Variants in COL5A2 observed in about 807,000 individuals in gnomAD.
The protein encoded by COL5A2 is collagen type V alpha 2 chain.
In COL5A2, 23 loss-of-function variants were observed where a neutral mutation model predicts 208.2. The observed-to-expected ratio is 0.11, with a 90% CI of 0.08 to 0.16. COL5A2 has a LOEUF of 0.16. COL5A2 is among the 10% of genes least tolerant of loss of function. The pLI, the probability that COL5A2 is intolerant of heterozygous loss-of-function variation, is 1.00. For synonymous variants in COL5A2, 625 were observed against 628.5 expected, an observed-to-expected ratio of 0.99 and a Z score of 0.08; for missense variants, 1,590 against 1,956.4, an observed-to-expected ratio of 0.81 and a Z score of 3.53.
chr2:189,352,911 T>TA, the COL5A2 span, among the ~76,000 whole-genome samples: 1 of 152,226 alleles, frequency 6.6e-6, no homozygotes, highest in Non-Finnish European at 1.5e-5. Flanking sequence ...CTGGGGTTTT[T>TA]ATAGTTTTAG....
the COL5A2 span, among the ~76,000 whole-genome samples, chr2:189,395,242 C>T: frequency 2.6e-5 from 4 of 152,066 alleles, no homozygotes; most frequent in Admixed American, 6.5e-5. Flanking sequence ...TCATCCCTTT[C>T]GTGGTCTTTT....
intron 1 of COL5A2, among the ~76,000 whole-genome samples, chr2:189,157,124 C>CTATATATA (rs112157584): frequency 1.2e-5 from 1 of 85,902 alleles, no homozygotes; most frequent in African/African-American, 3.4e-5. Flanking sequence ...ATCGATATAT[C>CTATATATA]TATCTATATA....
At chr2:189,166,490 T>G (rs925976404) in intron 1 of COL5A2, among the ~76,000 whole-genome samples, 5 of 152,206 alleles carry the variant, frequency 3.3e-5, no homozygotes, top group African/African-American at 9.7e-5. Flanking sequence ...TGGGGCAATT[T>G]TAGGGTTCTA....
At chr2:189,112,282 T>C (rs1156302664) in intron 1 of COL5A2, among the ~76,000 whole-genome samples, 1 of 152,200 alleles carries the variant, frequency 6.6e-6, no homozygotes, top group Non-Finnish European at 1.5e-5. Context: ...CAGCATGAAC[T>C]TTGTACTTCA....
chr2:189,218,532 G>C (rs1398564861), intron 1 of COL5A2, among the ~76,000 whole-genome samples: 1 of 152,120 alleles, frequency 6.6e-6, no homozygotes, highest in Non-Finnish European at 1.5e-5. Flanking sequence ...CTACAATCCA[G>C]AACTGTGAGG....
chr2:189,436,223 G>A, the COL5A2 span, among the ~76,000 whole-genome samples: 3 of 152,218 alleles, frequency 2.0e-5, no homozygotes, highest in East Asian at 5.8e-4. Flanking sequence ...ACATAGGCAT[G>A]GGCAAGGATT....
Position 189,112,942 on chromosome 2 carries a change from A to G in COL5A2, c.98-2493T>C, listed in dbSNP as rs113241192. 1.2e-4 allele frequency among the ~76,000 whole-genome samples: 19 copies of G among 152,336 alleles called. 1 individual carries two copies. The highest frequency in any genetic ancestry group is 4.6e-4 in the African/African-American group (19 of 41,572). On this transcript the variant is annotated intron_variant, in intron 1 of 53. Transcript: ENST00000374866. ...TATAGTTCACTGAACAATTCCATTA[A>G]GTAGATAACTTAAGGGTAATTTTGC... is the stretch of plus-strand genomic sequence containing the variant.
chr2:189,160,955 C>A (rs1576565083), intron 1 of COL5A2, among the ~76,000 whole-genome samples: 1 of 151,192 alleles, frequency 6.6e-6, no homozygotes, highest in African/African-American at 2.4e-5. Flanking sequence ...CTCAGCCACC[C>A]GAGTAGCTGG....
chr2:189,274,721 G>C, the COL5A2 span, among the ~76,000 whole-genome samples: 2 of 151,780 alleles, frequency 1.3e-5, no homozygotes, highest in African/African-American at 2.4e-5. Context: ...GTATCAAAAA[G>C]AGAATTACCA....
the COL5A2 span, among the ~76,000 whole-genome samples, chr2:189,342,197 C>CTT: frequency 2.2e-5 from 3 of 135,540 alleles, no homozygotes; most frequent in South Asian, 2.3e-4. Context: ...CTAGTGTGCT[C>CTT]TTTTTTTTTT....
the COL5A2 span, among the ~76,000 whole-genome samples, chr2:189,299,913 G>A: frequency 6.6e-6 from 1 of 152,124 alleles, no homozygotes; most frequent in Non-Finnish European, 1.5e-5. Flanking sequence ...CTAACCTATT[G>A]TGCAAAGTGG....
chr2:189,206,441 T>C (rs1434149329), intron 1 of COL5A2, among the ~76,000 whole-genome samples: 1 of 152,176 alleles, frequency 6.6e-6, no homozygotes, highest in East Asian at 1.9e-4. Context: ...TTAGACCAAC[T>C]GCATGCTGAG....
chr2:189,088,585 C>A, intron 8 of COL5A2, 110 bp downstream of exon 8: 3 of 773,550 alleles, frequency 3.9e-6, no homozygotes, highest in Non-Finnish European at 6.9e-6. Context: ...GAATGTACGA[C>A]TGTGTTTAAG....
the COL5A2 span, among the ~76,000 whole-genome samples, chr2:189,337,642 G>A: frequency 6.6e-6 from 1 of 152,056 alleles, no homozygotes; most frequent in Non-Finnish European, 1.5e-5. Context: ...TCTATTTTAA[G>A]AGAATAGAAG....
the COL5A2 span, among the ~76,000 whole-genome samples, chr2:189,388,196 C>T: frequency 0.95 from 143,922 of 152,266 alleles, 68,075 homozygotes; most frequent in South Asian, 0.96. Flanking sequence ...TCCTGGAGGA[C>T]GATAAGATAA....
the COL5A2 span, among the ~76,000 whole-genome samples, chr2:189,390,956 A>T: frequency 1.9e-3 from 289 of 152,336 alleles, 1 homozygote; most frequent in African/African-American, 6.8e-3. Context: ...GATGCTAAAA[A>T]TACTAATAGA....
the COL5A2 span, among the ~76,000 whole-genome samples, chr2:189,408,819 G>C: frequency 4.0e-4 from 61 of 152,198 alleles, no homozygotes; most frequent in South Asian, 1.0e-3. Context: ...AGATATATTT[G>C]TGAGTCTGTC....
At chr2:189,214,596 A>T (rs958199360) in intron 1 of COL5A2, among the ~76,000 whole-genome samples, 2 of 152,130 alleles carry the variant, frequency 1.3e-5, no homozygotes, top group Non-Finnish European at 2.9e-5. Context: ...TATTTATTTT[A>T]AAAAGTGTGG....
intron 1 of COL5A2, among the ~76,000 whole-genome samples, chr2:189,201,491 T>A (rs1689067582): frequency 6.6e-6 from 1 of 151,876 alleles, no homozygotes; most frequent in Admixed American, 6.6e-5. Flanking sequence ...TACACGGTAC[T>A]AACAAATATC....
Sources: gnomAD v4.1 joint callset for allele counts (sites outside exome capture counted in the v4.1 genomes callset) on GRCh38, gnomAD v4.1.1 for gene constraint, MANE v1.5 for transcripts, NCBI Gene and HGNC (gene_info 2026-07-23, HGNC 2026-07-21) for gene names.